Variants in ESR2 observed in about 807,000 individuals in gnomAD.
ESR2 encodes the protein estrogen receptor 2.
In ESR2, 36 loss-of-function variants were observed where a neutral mutation model predicts 49.6. The observed-to-expected ratio is 0.73, with a 90% CI of 0.56 to 0.96. The LOEUF is 0.96. Ranked by LOEUF, ESR2 falls within the 40% of genes least tolerant of loss-of-function variation. The pLI, the probability that ESR2 is intolerant of heterozygous loss-of-function variation, is 0.00. For synonymous variants in ESR2, 320 were observed against 266.1 expected, an observed-to-expected ratio of 1.20 and a Z score of -1.97; for missense variants, 714 against 693.0, an observed-to-expected ratio of 1.03 and a Z score of -0.34.
chr14:64,261,044 A>G (rs1050254969), intron 4 of ESR2, among the ~76,000 whole-genome samples: 4 of 152,164 alleles, frequency 2.6e-5, no homozygotes, highest in African/African-American at 9.7e-5. Context: ...AAAGGTATCA[A>G]ATAATATACT....
chr14:64,308,523 TAATTA>T (rs1160230749), intron 1 of ESR2, among the ~76,000 whole-genome samples: 1 of 152,184 alleles, frequency 6.6e-6, no homozygotes, highest in Non-Finnish European at 1.5e-5. Flanking sequence ...ATTTCTAATT[TAATTA>T]TATTGTGGCC....
chr14:64,293,591 A>ACCT (rs768061517), intron 1 of ESR2, among the ~76,000 whole-genome samples: 179 of 152,340 alleles, frequency 1.2e-3, no homozygotes, highest in Middle Eastern at 6.8e-3. Flanking sequence ...TGCCCAGGAA[A>ACCT]GGAGGAACGC....
intron 1 of ESR2, chr14:64,336,140 T>TG (rs752767093): frequency 2.0e-5 from 3 of 152,134 alleles, no homozygotes; most frequent in Non-Finnish European, 2.9e-5. Context: ...CATAAGCCAC[T>TG]GTTCCTGGAC....
rs750572261 is a variant in ESR2 at position 64,228,773 on chromosome 14, A to T, written c.*4364T>A. Among the ~76,000 whole-genome samples, 2 of 152,076 alleles carry T rather than the reference A, an allele frequency of 1.3e-5. No individual in the cohort carries two copies. Among genetic ancestry groups the T allele is most frequent in the Non-Finnish European group, 2.9e-5 (2 of 68,004 alleles). Reference sequence around the variant, plus strand: ...TACCAGTGGCTGGCCCTACAAGTGAATAGGATCCTCGGAATTAAAAAACAA... The same window carrying T: ...TACCAGTGGCTGGCCCTACAAGTGATTAGGATCCTCGGAATTAAAAAACAA... On this transcript the variant is annotated 3_prime_UTR_variant, in exon 9 of 9. Coordinates refer to ENST00000341099, the MANE Select transcript of ESR2 (RefSeq NM_001437.3).
At chr14:64,310,286 A>AAAAAAAAAAAAAAAAATAATAAT (rs1555595498) in intron 1 of ESR2, among the ~76,000 whole-genome samples, 1 of 142,468 alleles carries the variant, frequency 7.0e-6, no homozygotes, top group African/African-American at 2.6e-5. Flanking sequence ...TCGTCTCAAA[A>AAAAAAAAAAAAAAAAATAATAAT]AATAATAATA....
At chr14:64,334,303 C>G (rs747995724) in intron 1 of ESR2, among the ~76,000 whole-genome samples, 1 of 152,166 alleles carries the variant, frequency 6.6e-6, no homozygotes, top group Non-Finnish European at 1.5e-5. Context: ...CAGCTAACGG[C>G]CTCTTTTGAG....
At chr14:64,269,706 AAAC>A (rs1227157259) in intron 3 of ESR2, among the ~76,000 whole-genome samples, 1 of 152,240 alleles carries the variant, frequency 6.6e-6, no homozygotes, top group Non-Finnish European at 1.5e-5. Flanking sequence ...GAGCTACTCT[AAAC>A]AACTCAAAGA....
At chr14:64,234,807 G>C (rs942343483) in intron 8 of ESR2, 163 bp downstream of exon 8, 4 of 1,408,888 alleles carry the variant, frequency 2.8e-6, no homozygotes, top group African/African-American at 2.9e-5. Context: ...TGCCCACTCT[G>C]TGCCCATCTT....
chr14:64,260,792 G>T (rs375940925), intron 4 of ESR2, 44 bp from the exon 5 acceptor site: 1 of 1,416,172 alleles, frequency 7.1e-7, no homozygotes, highest in South Asian at 1.7e-5. Context: ...GGGTAAAACC[G>T]CAGTCAAGCA....
rs148775627 is a variant in ESR2 at position 64,235,080 on chromosome 14, G to C, written c.1296C>G (p.Ala432=). 6.2e-7 allele frequency: 1 copy of C among 1,614,208 alleles called. No homozygotes were observed. The highest frequency in any genetic ancestry group is 8.5e-7 in the Non-Finnish European group (1 of 1,180,040). The change falls in exon 8 of 9, where the codon GCC becomes GCG. Residue 432 remains alanine (A), a synonymous_variant. Coordinates refer to ENST00000341099, the MANE Select transcript of ESR2 (RefSeq NM_001437.3). ...TCACCCAAACCAAAGCATCGGTCAC[G>C]GCGTTCAGCAAGTGAGCCAGCTTCC... ...SSRKLAHLLN[A]VTDALVWVIA...
chr14:64,309,295 C>A (rs1463151206), intron 1 of ESR2, among the ~76,000 whole-genome samples: 2 of 152,164 alleles, frequency 1.3e-5, no homozygotes, highest in African/African-American at 4.8e-5. Context: ...AATATTTTAA[C>A]AGGTTGTTTT....
At chr14:64,271,358 C>T (rs1483548318) in intron 3 of ESR2, among the ~76,000 whole-genome samples, 1 of 152,110 alleles carries the variant, frequency 6.6e-6, no homozygotes, top group Non-Finnish European at 1.5e-5. Context: ...CGGAGTCTCT[C>T]TCTGTCACCC....
At chr14:64,328,673 T>C (rs2077418459) in intron 1 of ESR2, among the ~76,000 whole-genome samples, 1 of 152,216 alleles carries the variant, frequency 6.6e-6, no homozygotes, top group Non-Finnish European at 1.5e-5. Flanking sequence ...CTGCAGACTG[T>C]ACTAGAAGCA....
intron 2 of ESR2, 97 bp downstream of exon 2, chr14:64,282,526 TA>T: frequency 7.7e-7 from 1 of 1,290,926 alleles, no homozygotes; most frequent in Non-Finnish European, 1.1e-6. Context: ...ATTAATACAA[TA>T]AAGACCTTGT....
chr14:64,252,289 G>C (rs2076003307), intron 6 of ESR2, among the ~76,000 whole-genome samples: 3 of 139,754 alleles, frequency 2.1e-5, no homozygotes, highest in Non-Finnish European at 4.6e-5. Flanking sequence ...TCCAGCCTGG[G>C]CCACAGAGCG....
At chr14:64,286,055 A>G (rs1483047038) in intron 1 of ESR2, among the ~76,000 whole-genome samples, 1 of 152,130 alleles carries the variant, frequency 6.6e-6, no homozygotes, top group East Asian at 1.9e-4. Context: ...AGGGACTTCA[A>G]GGAGTTCTGG....
intron 1 of ESR2, among the ~76,000 whole-genome samples, chr14:64,331,938 T>C (rs2077465680): frequency 6.6e-6 from 1 of 151,978 alleles, no homozygotes; most frequent in African/African-American, 2.4e-5. Flanking sequence ...TCATGGTGTG[T>C]CACTCAGCCA....
chr14:64,323,693 T>C (rs1399947851), intron 1 of ESR2, among the ~76,000 whole-genome samples: 1 of 152,154 alleles, frequency 6.6e-6, no homozygotes, highest in East Asian at 1.9e-4. Flanking sequence ...TTAAGTCCTA[T>C]TTTGTTTGTT....
At chr14:64,273,457 G>A (rs10143616) in intron 3 of ESR2, among the ~76,000 whole-genome samples, 78,286 of 151,942 alleles carry the variant, frequency 0.52, 20,511 homozygotes, top group African/African-American at 0.58. Flanking sequence ...TTATATGTCT[G>A]TTATTGGGCT....
Sources: allele counts gnomAD v4.1 joint callset (sites outside exome capture counted in the v4.1 genomes callset), GRCh38; gene constraint gnomAD v4.1.1; transcripts MANE v1.5; gene names NCBI Gene and HGNC (gene_info 2026-07-23, HGNC 2026-07-21).